Variants in SNTG1 observed in about 807,000 individuals in gnomAD.
SNTG1 encodes the protein syntrophin gamma 1.
A neutral mutation model predicts 74.7 loss-of-function variants in SNTG1; 39 were observed. The ratio of observed to expected loss-of-function variants is 0.52; its 90% CI spans 0.40 to 0.68. The LOEUF (loss-of-function observed/expected upper bound fraction) is 0.68, where lower values mean the gene tolerates loss of function less well. Ranked by LOEUF, SNTG1 falls within the 30% of genes least tolerant of loss-of-function variation. The probability of loss-of-function intolerance (pLI) is 0.00; values close to 1 mark genes in which losing one functional copy is unlikely to be tolerated. For missense variants in SNTG1, 685 were observed against 609.5 expected (o/e 1.12, Z -1.30); for synonymous variants, 254 against 217.1 (o/e 1.17, Z -1.49).
chr8:50,749,459 C>T (rs2095562309), intron 17 of SNTG1, among the ~76,000 whole-genome samples: 1 of 151,982 alleles, frequency 6.6e-6, no homozygotes, highest in Non-Finnish European at 1.5e-5. Flanking sequence ...ATAAAGGTGG[C>T]TACACTAAAC....
At chr8:50,214,921 T>C (rs566788691) in intron 2 of SNTG1, among the ~76,000 whole-genome samples, 16 of 152,334 alleles carry the variant, frequency 1.1e-4, no homozygotes, top group African/African-American at 3.4e-4. Context: ...GCAACTCAGC[T>C]ACCTGGATGT....
At chr8:50,422,387 G>GT (rs1408187161) in intron 4 of SNTG1, among the ~76,000 whole-genome samples, 3 of 152,018 alleles carry the variant, frequency 2.0e-5, no homozygotes, top group African/African-American at 7.2e-5. Context: ...ATGAGCAAAT[G>GT]TATAGAACGT....
At chr8:49,927,158 T>C (rs1454786864) in intron 1 of SNTG1, among the ~76,000 whole-genome samples, 1 of 152,136 alleles carries the variant, frequency 6.6e-6, no homozygotes, top group Non-Finnish European at 1.5e-5. Context: ...CTGGTAGAAA[T>C]GCAAAATGGT....
intron 2 of SNTG1, among the ~76,000 whole-genome samples, chr8:50,200,059 G>T (rs1490127142): frequency 6.6e-6 from 1 of 152,074 alleles, no homozygotes; most frequent in Non-Finnish European, 1.5e-5. Flanking sequence ...GTGCCTACCT[G>T]GTTGTTTTAG....
At chr8:49,986,487 C>A (rs1223876283) in intron 1 of SNTG1, among the ~76,000 whole-genome samples, 1 of 152,072 alleles carries the variant, frequency 6.6e-6, no homozygotes, top group Non-Finnish European at 1.5e-5. Context: ...TCTTGTGTTG[C>A]CAATTTTATC....
At chr8:50,404,171 T>G (rs1274914170) in intron 4 of SNTG1, among the ~76,000 whole-genome samples, 1 of 151,972 alleles carries the variant, frequency 6.6e-6, no homozygotes, top group Non-Finnish European at 1.5e-5. Flanking sequence ...GAAAATGCAA[T>G]CCACAATAAG....
At chr8:50,388,472 G>C (rs1052870243) in intron 2 of SNTG1, among the ~76,000 whole-genome samples, 1 of 152,078 alleles carries the variant, frequency 6.6e-6, no homozygotes, top group African/African-American at 2.4e-5. Context: ...ATCAATTCCT[G>C]AAACCCCAAA....
In SNTG1 at chr8:49,975,530, AT is replaced by A. The variant is rs904028860; in HGVS notation, c.-103+63308del. 3.7e-3 allele frequency among the ~76,000 whole-genome samples: 559 copies of A among 151,692 alleles called. 8 individuals are homozygous for A. Among genetic ancestry groups the A allele is most frequent in the African/African-American group, 0.013 (535 of 41,336 alleles). On this transcript the variant is annotated intron_variant, in intron 1 of 18. Coordinates refer to ENST00000642720, the MANE Select transcript of SNTG1 (RefSeq NM_018967.5). ...GACATGCAGTCTCCACAATCTGATA[AT>A]TTTTTTTTCTTATTACTGTTTTCAG...
intron 5 of SNTG1, among the ~76,000 whole-genome samples, chr8:50,448,748 C>T (rs2093428420): frequency 6.6e-6 from 1 of 152,018 alleles, no homozygotes; most frequent in Non-Finnish European, 1.5e-5. Context: ...AATAGTACTA[C>T]TGCAGGCCGG....
chr8:50,680,130 C>T (rs551114024), intron 15 of SNTG1, among the ~76,000 whole-genome samples: 1 of 152,210 alleles, frequency 6.6e-6, no homozygotes, highest in African/African-American at 2.4e-5. Context: ...TGTACAATTC[C>T]TAAAACTTGC....
chr8:50,022,167 A>C (rs1816882059), intron 1 of SNTG1, among the ~76,000 whole-genome samples: 2 of 152,222 alleles, frequency 1.3e-5, no homozygotes, highest in African/African-American at 4.8e-5. Flanking sequence ...AACAAGACAT[A>C]GAATGAATGG....
chr8:50,307,794 T>C (rs1362849217), intron 2 of SNTG1, among the ~76,000 whole-genome samples: 4 of 152,122 alleles, frequency 2.6e-5, no homozygotes, highest in African/African-American at 9.7e-5. Context: ...TTCTTCATTT[T>C]TGTAGACATC....
intron 2 of SNTG1, among the ~76,000 whole-genome samples, chr8:50,292,730 G>A (rs1304151216): frequency 6.6e-6 from 1 of 152,142 alleles, no homozygotes; most frequent in Admixed American, 6.6e-5. Context: ...TGAGTTTAAT[G>A]TGCTCCTTGT....
intron 1 of SNTG1, among the ~76,000 whole-genome samples, chr8:50,057,985 C>T (rs1186331182): frequency 1.3e-5 from 2 of 152,126 alleles, no homozygotes; most frequent in African/African-American, 4.8e-5. Context: ...AGCATTTACA[C>T]ATGTTGGAAA....
At chr8:50,117,818 A>T (rs2080873345) in intron 1 of SNTG1, among the ~76,000 whole-genome samples, 1 of 152,078 alleles carries the variant, frequency 6.6e-6, no homozygotes, top group Non-Finnish European at 1.5e-5. Context: ...CTATTCATTT[A>T]TATTTTCTTC....
At chr8:50,162,880 G>C (rs1262657532) in intron 1 of SNTG1, among the ~76,000 whole-genome samples, 2 of 152,108 alleles carry the variant, frequency 1.3e-5, no homozygotes, top group African/African-American at 4.8e-5. Flanking sequence ...CTGCCTCATG[G>C]GAGCCTGGAC....
chr8:50,788,524 G>T (rs117429097), intron 18 of SNTG1, among the ~76,000 whole-genome samples: 8 of 151,924 alleles, frequency 5.3e-5, no homozygotes, highest in African/African-American at 1.9e-4. Flanking sequence ...AACGCTAAGC[G>T]TGTGGGAGTT....
Position 50,751,988 on chromosome 8 carries a change from T to TA in SNTG1, c.1285-13_1285-12insA. 1 of 1,481,312 alleles carries TA rather than the reference T, an allele frequency of 6.8e-7. No homozygotes were observed. Among genetic ancestry groups the TA allele is most frequent in the African/African-American group, 1.5e-5 (1 of 67,136 alleles). 91.8% of individuals were successfully genotyped at this position (1,481,312 alleles called of 1,614,324 possible). On this transcript the variant is annotated splice_polypyrimidine_tract_variant and intron_variant, in intron 17 of 18. Transcript: ENST00000642720. ...ATTCCACCGACTTACATTGTTTTTT[T>TA]TCCCCCCTTTAGGCTGTCCTTTGGA...
At chr8:50,227,325 T>A (rs1157844961) in intron 2 of SNTG1, among the ~76,000 whole-genome samples, 1 of 152,118 alleles carries the variant, frequency 6.6e-6, no homozygotes, top group Non-Finnish European at 1.5e-5. Context: ...TTCCAGGAAC[T>A]GACCAGATTC....
Sources: allele counts gnomAD v4.1 joint callset (sites outside exome capture counted in the v4.1 genomes callset), GRCh38; gene constraint gnomAD v4.1.1; transcripts MANE v1.5; gene names NCBI Gene and HGNC (gene_info 2026-07-23, HGNC 2026-07-21).